PXMP2: variants seen among roughly 807,000 people sequenced by gnomAD.
The protein encoded by PXMP2 is 22 kDa peroxisomal membrane protein.
In PXMP2, 13 loss-of-function variants were observed where a neutral mutation model predicts 20.2. That is an observed-to-expected ratio of 0.64 (90% CI 0.42 to 1.02). The LOEUF is 1.02. Among genes scored for constraint, PXMP2 ranks in the 50% least tolerant of loss-of-function variants. The pLI, the probability that PXMP2 is intolerant of heterozygous loss-of-function variation, is 0.00. For missense variants in PXMP2, 284 were observed against 251.8 expected (o/e 1.13, Z -0.87); for synonymous variants, 113 against 111.2 (o/e 1.02, Z -0.10).
chr12:132,703,239 T>G (rs1378485071), intron 4 of PXMP2, among the ~76,000 whole-genome samples: 1 of 152,104 alleles, frequency 6.6e-6, no homozygotes, highest in Non-Finnish European at 1.5e-5. Flanking sequence ...TTGAGACCAG[T>G]CTGGGCAACA....
rs924467052 is a variant in PXMP2, at chr12:132,696,380, G to A, written c.399+334G>A. Among the ~76,000 whole-genome samples, 3 of 152,156 alleles carry A rather than the reference G, an allele frequency of 2.0e-5. No homozygotes were observed. The highest frequency in any genetic ancestry group is 4.1e-4 in the South Asian group (2 of 4,828). ...GCCTCCCAAGTAGCTGGGACCACAT[G>A]TGCGTGCCACCACACCCAGCTAATC... On this transcript the variant is annotated intron_variant, in intron 3 of 4. Transcript: ENST00000317479. This position sits in a 1 kb window ranked among gnomAD's most constrained non-coding sequence, Gnocchi z 4.4.
At chr12:132,699,633 G>A (rs1051792283) in intron 3 of PXMP2, among the ~76,000 whole-genome samples, 1 of 146,876 alleles carries the variant, frequency 6.8e-6, no homozygotes, top group Non-Finnish European at 1.5e-5. Context: ...CAGGTTCAAC[G>A]ATTTTCCTGC....
intron 2 of PXMP2, among the ~76,000 whole-genome samples, chr12:132,690,598 T>TCTCA (rs2043360765): frequency 6.6e-6 from 1 of 151,738 alleles, no homozygotes; most frequent in Non-Finnish European, 1.5e-5. Flanking sequence ...GGAGACAGAG[T>TCTCA]CTCACTCTGT....
chr12:132,704,461 C>T (rs1279455340), intron 4 of PXMP2, among the ~76,000 whole-genome samples, 158 bp from the exon 5 acceptor site: 1 of 152,144 alleles, frequency 6.6e-6, no homozygotes, highest in Non-Finnish European at 1.5e-5. Context: ...CCTAGCACAG[C>T]GTTTGGTACG....
At position 132,687,655 on chromosome 12, in the gene PXMP2, C is replaced by G. The variant is rs1317421974; in HGVS notation, c.-16C>G. On this transcript the variant is annotated 5_prime_UTR_variant, in exon 1 of 5. Coordinates refer to ENST00000317479, the MANE Select transcript of PXMP2 (RefSeq NM_018663.3). ...GGTGGGGTCGGTGCCCCCGGCGGCA[C>G]GGCGCTGGGGAGGCGATGGCGCCGG... 1.2e-5 allele frequency: 14 copies of G among 1,154,936 alleles called. No homozygotes were observed. The highest frequency in any genetic ancestry group is 1.5e-5 in the Non-Finnish European group (14 of 940,500). The allele number at this position is 1,154,936 out of a possible 1,614,324, so 71.5% of individuals were successfully genotyped here.
Position 132,690,458 on chromosome 12 carries a change from A to G in PXMP2, c.236+82A>G, listed in dbSNP as rs2043359916. The stretch of plus-strand genomic sequence containing the variant: ...GGCACCAAAACCGAGTAGTTGGAGT[A>G]CTCTTATTTGGAAATATAATTTTTT... On this transcript the variant is annotated intron_variant, in intron 2 of 4. Transcript: ENST00000317479. 3 of 1,005,916 alleles carry G rather than the reference A, an allele frequency of 3.0e-6. No individual in the cohort carries two copies. The African/African-American group carries it at 4.9e-5, about 16-fold the overall frequency. The allele number at this position is 1,005,916 out of a possible 1,614,324, so 62.3% of individuals were successfully genotyped here.
intron 1 of PXMP2, 102 bp from the exon 2 acceptor site, chr12:132,690,161 C>T: frequency 2.4e-6 from 2 of 834,662 alleles, no homozygotes; most frequent in Non-Finnish European, 4.0e-6. Flanking sequence ...ACCCCCCGCC[C>T]ATCTGCTGCA....
chr12:132,701,966 T>G (rs1338501917), intron 4 of PXMP2, among the ~76,000 whole-genome samples: 1 of 152,216 alleles, frequency 6.6e-6, no homozygotes, highest in East Asian at 1.9e-4. Context: ...GGCAGGTGCC[T>G]GTAGTCCCAG....
At chr12:132,695,648 A>G (rs1411675459) in intron 2 of PXMP2, among the ~76,000 whole-genome samples, 1 of 152,226 alleles carries the variant, frequency 6.6e-6, no homozygotes, top group Non-Finnish European at 1.5e-5. Flanking sequence ...GCGAGCCAAC[A>G]TAGCTAGGCG....
intron 3 of PXMP2, among the ~76,000 whole-genome samples, chr12:132,699,581 A>C: frequency 8.4e-6 from 1 of 119,012 alleles, no homozygotes; most frequent in Non-Finnish European, 1.6e-5. Context: ...TCCAGGCTGG[A>C]GTGTAGTGGC....
rs200077991 is a variant in PXMP2, at chr12:132,693,625, C to T, written c.237-2259C>T. 3.3e-3 allele frequency among the ~76,000 whole-genome samples: 122 copies of T among 37,032 alleles called. 4 individuals are homozygous for T. The highest frequency in any genetic ancestry group is 4.2e-3 in the Non-Finnish European group (70 of 16,508). The allele number at this position is 37,032 out of a possible 152,430, so 24.3% of individuals were successfully genotyped here. On this transcript the variant is annotated intron_variant, in intron 2 of 4. Coordinates refer to ENST00000317479, the MANE Select transcript of PXMP2 (RefSeq NM_018663.3). ...TTAGTTAGTGAGCGCCCTTGCCAGT[C>T]AGTGAGCGCCCTTGCCAGTTAGTGA... is the stretch of plus-strand genomic sequence containing the variant.
At chr12:132,694,777 C>T (rs1182035664) in intron 2 of PXMP2, among the ~76,000 whole-genome samples, 1 of 137,314 alleles carries the variant, frequency 7.3e-6, no homozygotes, top group Non-Finnish European at 1.6e-5. Context: ...AGTGCCCTTG[C>T]CAGTTAGTTA....
chr12:132,697,786 CAAG>C (rs148027035), intron 3 of PXMP2, among the ~76,000 whole-genome samples: 8,219 of 152,188 alleles, frequency 0.054, 312 homozygotes, highest in Admixed American at 0.13. Flanking sequence ...ATCTGTGGCA[CAAG>C]AAGTTTGAGA....
At position 132,695,165 on chromosome 12, in the gene PXMP2, G is replaced by A. The variant is rs542107330; in HGVS notation, c.237-719G>A. ...AGTTAGTTAGTGAGCGCCCTTGACAGTTAGTTAGTGAGCGCCCTTGACAGT... is the reference window on the plus strand; with the variant it reads ...AGTTAGTTAGTGAGCGCCCTTGACAATTAGTTAGTGAGCGCCCTTGACAGT... On this transcript the variant is annotated intron_variant, in intron 2 of 4. Transcript: ENST00000317479. Among the ~76,000 whole-genome samples, 3 of 151,744 alleles carry A rather than the reference G, an allele frequency of 2.0e-5. No homozygotes were observed. The South Asian group carries it at 6.2e-4, about 32-fold the overall frequency.
At chr12:132,703,035 G>A (rs2043451497) in intron 4 of PXMP2, among the ~76,000 whole-genome samples, 1 of 152,250 alleles carries the variant, frequency 6.6e-6, no homozygotes, top group Non-Finnish European at 1.5e-5. Context: ...GGCTTTAACA[G>A]TGGCCCTTCC....
chr12:132,690,453 G>C, intron 2 of PXMP2, 77 bp downstream of exon 2: 2 of 1,042,270 alleles, frequency 1.9e-6, no homozygotes, highest in Non-Finnish European at 2.9e-6. Context: ...CCGAGTAGTT[G>C]GAGTACTCTT....
Position 132,704,665 on chromosome 12 carries a change from A to C in PXMP2, c.566A>C (p.Tyr189Ser), listed in dbSNP as rs760675418. Reference sequence around the variant, plus strand: ...CTGGCAGCTCTGTTCTGGTATGCCTACCTGGCCTCCTTGGGGAAGTGACGA... The same window carrying C: ...CTGGCAGCTCTGTTCTGGTATGCCTCCCTGGCCTCCTTGGGGAAGTGACGA... ...ANLAALFWYA[Y>S]LASLGK The change falls in exon 5 of 5, where the codon TAC becomes TCC. Residue 189 changes from tyrosine (Y) to serine (S), a missense_variant. By Grantham distance (144) the Tyr-to-Ser change is moderately radical. Transcript: ENST00000317479. The C allele has an allele frequency of 7.2e-5, 112 of 1,551,422 alleles. No individual in the cohort carries two copies. Among genetic ancestry groups the C allele is most frequent in the Middle Eastern group, 1.7e-4 (1 of 5,884 alleles).
intron 2 of PXMP2, among the ~76,000 whole-genome samples, chr12:132,694,394 G>A (rs1275655308): frequency 1.1e-5 from 1 of 93,808 alleles, no homozygotes; most frequent in Non-Finnish European, 2.3e-5. Context: ...TTGCCAGTTA[G>A]TTAGTGAGCG....
intron 4 of PXMP2, chr12:132,702,439 C>T (rs1233428739): frequency 2.7e-6 from 1 of 375,304 alleles, no homozygotes; most frequent in Non-Finnish European, 5.4e-6. Context: ...CCAGGGTCCC[C>T]AGGACCACTC....
Sources: gnomAD v4.1 joint callset for allele counts (sites outside exome capture counted in the v4.1 genomes callset) on GRCh38, gnomAD v4.1.1 for gene constraint, Gnocchi (gnomAD v3.1) non-coding constraint, MANE v1.5 for transcripts, NCBI Gene and HGNC (gene_info 2026-07-23, HGNC 2026-07-21) for gene names.